The following GAS2L3 variants were observed in gnomAD, a reference collection of about 807,000 sequenced individuals.
GAS2L3 encodes growth arrest specific 2 like 3, also known as GAS2-like protein 3.
Under a neutral mutation model 37.0 loss-of-function variants are expected in GAS2L3, and 28 were observed. The observed-to-expected ratio is 0.76, with a 90% CI of 0.56 to 1.04. GAS2L3 has a LOEUF of 1.04. GAS2L3 is among the 50% of genes least tolerant of loss of function. GAS2L3 has a pLI of 0.00. For missense variants in GAS2L3, 793 were observed against 817.6 expected (o/e 0.97, Z 0.37); for synonymous variants, 290 against 296.6 (o/e 0.98, Z 0.23).
chr12:100,622,812 A>G (rs1956276296), intron 9 of GAS2L3, among the ~76,000 whole-genome samples: 1 of 150,030 alleles, frequency 6.7e-6, no homozygotes, highest in Admixed American at 6.6e-5. Context: ...GTTTATAATA[A>G]TACAAGCCTT....
In GAS2L3 at chr12:100,594,922, A is replaced by C. The variant is rs1465545167; in HGVS notation, c.18A>C (p.Gln6His). The stretch of plus-strand genomic sequence containing the variant: ...AGGTGACTATGCAGCCTGCAATTCA[A>C]GTAAGTTTTTTTCTTGGAAACAATA... MQPAI[Q>H]VWFGEDLPLS... is the part of the protein sequence containing the mutation. The change falls in exon 3 of 10, where the codon CAA becomes CAC. Residue 6 changes from glutamine to histidine, a missense_variant and splice_region_variant. Transcript: ENST00000547754. 7.4e-7 allele frequency: 1 copy of C among 1,350,898 alleles called. No homozygotes were observed. Among genetic ancestry groups the C allele is most frequent in the South Asian group, 1.5e-5 (1 of 68,308 alleles). 83.7% of individuals were successfully genotyped at this position (1,350,898 alleles called of 1,614,324 possible). A position where few individuals can be genotyped will look rare whatever the true frequency, so the allele number is the denominator to read the frequency against.
intron 1 of GAS2L3, among the ~76,000 whole-genome samples, chr12:100,588,203 C>A (rs1257211609): frequency 6.6e-6 from 1 of 152,074 alleles, no homozygotes; most frequent in Non-Finnish European, 1.5e-5. Flanking sequence ...TGGGGGAACC[C>A]ACCCCCAATA....
At chr12:100,583,782 C>T (rs1955744128) in intron 1 of GAS2L3, among the ~76,000 whole-genome samples, 2 of 152,168 alleles carry the variant, frequency 1.3e-5, no homozygotes, top group South Asian at 4.2e-4. Flanking sequence ...ATTTTTTTTC[C>T]TAGTAATTCC....
Position 100,626,754 on chromosome 12 carries a change from T to A in GAS2L3, c.*1864T>A, listed in dbSNP as rs1956336030. ...TATAAACACTAAGTTTTGTGTTAAA[T>A]GTGATCAGGAATAAAAGTATCCCAC... is the stretch of plus-strand genomic sequence containing the variant. On this transcript the variant is annotated 3_prime_UTR_variant, in exon 10 of 10. Transcript: ENST00000547754. 6.6e-6 allele frequency: 1 copy of A among 152,184 alleles called. No homozygotes were observed. Among genetic ancestry groups the A allele is most frequent in the Non-Finnish European group, 1.5e-5 (1 of 68,036 alleles). The allele number at this position is 152,184 out of a possible 1,614,324, so 9.4% of individuals were successfully genotyped here. A position where few individuals can be genotyped will look rare whatever the true frequency, so the allele number is the denominator to read the frequency against.
At chr12:100,590,488 A>T (rs1955832503) in intron 1 of GAS2L3, among the ~76,000 whole-genome samples, 1 of 152,202 alleles carries the variant, frequency 6.6e-6, no homozygotes, top group Non-Finnish European at 1.5e-5. Context: ...ACTAGTACAG[A>T]TGCTGTGGAA....
At position 100,617,769 on chromosome 12, in the gene GAS2L3, G is replaced by A; in HGVS notation, c.471G>A (p.Val157=). The change falls in exon 7 of 10, where the codon GTG becomes GTA. Residue 157 remains valine (V), a synonymous_variant. Transcript: ENST00000547754. ...GLVLHKDPRQ[V]YLCLLEIGRI... ...TTTTGCACAAAGATCCAAGACAGGT[G>A]TATCTTTGTCTTCTTGAAATTGGTC... The A allele has an allele frequency of 1.2e-6, 2 of 1,607,876 alleles. No homozygotes were observed. The highest frequency in any genetic ancestry group is 1.7e-4 in the Middle Eastern group (1 of 6,032).
intron 1 of GAS2L3, among the ~76,000 whole-genome samples, chr12:100,581,984 G>A (rs2136385100): frequency 6.6e-6 from 1 of 152,240 alleles, no homozygotes; most frequent in South Asian, 2.1e-4. Context: ...AAGTAAATTT[G>A]TTTTACATAA....
intron 5 of GAS2L3, among the ~76,000 whole-genome samples, chr12:100,606,047 T>C (rs1956052645): frequency 6.6e-6 from 1 of 152,048 alleles, no homozygotes; most frequent in Admixed American, 6.5e-5. Context: ...TCTTTTTTGA[T>C]TTTCTGTCTG....
In GAS2L3 at chr12:100,624,183, C is replaced by G. The variant is rs763305748; in HGVS notation, c.1378C>G (p.Leu460Val). Residue 460 changes from leucine to valine, a missense_variant, in exon 10 of 10, where the codon CTT (leucine) becomes GTT (valine). Leu to Val is a conservative substitution (Grantham distance 32). Coordinates refer to ENST00000547754, the MANE Select transcript of GAS2L3 (RefSeq NM_174942.3). ...TTCAGCAGATCTGCCCGAGTCCACACTTTTGCCAAATAAGTGTTCAGGAAA... is the reference window on the plus strand; with the variant it reads ...TTCAGCAGATCTGCCCGAGTCCACAGTTTTGCCAAATAAGTGTTCAGGAAA... ...QNSADLPEST[L>V]LPNKCSGKTQ... 6.2e-7 allele frequency: 1 copy of G among 1,613,968 alleles called. No homozygotes were observed. The highest frequency in any genetic ancestry group is 1.7e-5 in the Admixed American group (1 of 59,980).
chr12:100,618,452 C>A lies in GAS2L3; in HGVS notation c.513C>A (p.Tyr171Ter). The A allele has an allele frequency of 6.2e-7, 1 of 1,602,964 alleles. No individual in the cohort carries two copies. The highest frequency in any genetic ancestry group is 8.5e-7 in the Non-Finnish European group (1 of 1,175,512). The change falls in exon 8 of 10, where the codon TAC becomes TAA. Residue 171 changes from tyrosine to a stop codon, truncating the protein, a stop_gained. Coordinates refer to ENST00000547754, the MANE Select transcript of GAS2L3 (RefSeq NM_174942.3). LOFTEE classifies it high-confidence loss of function. ...LLEIGRIVSR[Y>*]GVEPPVLVKL... ...AGATCTCCTGGTTGGTTTTCAGATA[C>A]GGGGTTGAGCCACCAGTGTTAGTAA...
chr12:100,575,021 G>T (rs974755555), intron 1 of GAS2L3, among the ~76,000 whole-genome samples: 2 of 151,900 alleles, frequency 1.3e-5, no homozygotes, highest in South Asian at 2.1e-4. Flanking sequence ...AAGCAGGGGG[G>T]CTCTGAAATC....
chr12:100,622,779 A>AAAAAAAAAAAAAAG (rs1956274729), intron 9 of GAS2L3, among the ~76,000 whole-genome samples: 1 of 125,376 alleles, frequency 8.0e-6, no homozygotes, highest in East Asian at 2.1e-4. Context: ...AAAAAAAAAA[A>AAAAAAAAAAAAAAG]AAAGAAAAGA....
intron 1 of GAS2L3, among the ~76,000 whole-genome samples, chr12:100,588,820 C>G (rs1427655779): frequency 6.6e-6 from 1 of 152,136 alleles, no homozygotes; most frequent in Non-Finnish European, 1.5e-5. Context: ...AATATCTTTC[C>G]TACTTGCACA....
At chr12:100,590,930 G>A (rs150633379) in intron 1 of GAS2L3, among the ~76,000 whole-genome samples, 1 of 151,672 alleles carries the variant, frequency 6.6e-6, no homozygotes, top group African/African-American at 2.4e-5. Context: ...GGGACTTGGG[G>A]GGAAGAGTGG....
rs769648849 is a variant in GAS2L3, at chr12:100,624,900, CA to C, written c.*11del. The C allele has an allele frequency of 2.0e-6, 3 of 1,519,014 alleles. No individual in the cohort carries two copies. Among genetic ancestry groups the C allele is most frequent in the Non-Finnish European group, 8.9e-7 (1 of 1,118,668 alleles). 94.1% of individuals were successfully genotyped at this position (1,519,014 alleles called of 1,614,324 possible). A position where few individuals can be genotyped will look rare whatever the true frequency, so the allele number is the denominator to read the frequency against. On this transcript the variant is annotated 3_prime_UTR_variant, in exon 10 of 10. Coordinates refer to ENST00000547754, the MANE Select transcript of GAS2L3 (RefSeq NM_174942.3). ...GAAACCTAGAAAATAAATACATACT[CA>C]TTATAAAAAAAGAGAAAAGGAAGAA... is the stretch of plus-strand genomic sequence containing the variant.
In GAS2L3 at chr12:100,623,728, C is replaced by T; in HGVS notation, c.923C>T (p.Pro308Leu). The T allele has an allele frequency of 1.2e-6, 2 of 1,613,990 alleles. No homozygotes were observed. Among genetic ancestry groups the T allele is most frequent in the South Asian group, 1.1e-5 (1 of 91,072 alleles). Residue 308 changes from proline (P) to leucine (L), a missense_variant, in exon 10 of 10, where the codon CCT becomes CTT. Transcript: ENST00000547754. ...TCTAATGAAAGTGTACCTGATTCGC[C>T]TGCCAGAACACCTCAGCCTCCTGAA... is the stretch of plus-strand genomic sequence containing the variant. ...GVSNESVPDSPARTPQPPEMN... is the reference protein window; with the variant it reads ...GVSNESVPDSLARTPQPPEMN...
chr12:100,600,277 C>T (rs891046379), intron 3 of GAS2L3, 105 bp from the exon 4 acceptor site: 3 of 711,248 alleles, frequency 4.2e-6, no homozygotes, highest in African/African-American at 3.6e-5. Context: ...TTATATGTGT[C>T]TATTATGTAT....
At chr12:100,587,652 G>A (rs1023759227) in intron 1 of GAS2L3, among the ~76,000 whole-genome samples, 1 of 152,210 alleles carries the variant, frequency 6.6e-6, no homozygotes. Flanking sequence ...AAAGTTGAAA[G>A]CATTCCCTCT....
chr12:100,587,146 A>G (rs575290924), intron 1 of GAS2L3, among the ~76,000 whole-genome samples: 1 of 152,346 alleles, frequency 6.6e-6, no homozygotes, highest in African/African-American at 2.4e-5. Flanking sequence ...TCTACCAGAC[A>G]TTCAAAGAAG....
Sources: gnomAD v4.1 joint callset for allele counts (sites outside exome capture counted in the v4.1 genomes callset) on GRCh38, gnomAD v4.1.1 for gene constraint, MANE v1.5 for transcripts, NCBI Gene and HGNC (gene_info 2026-07-23, HGNC 2026-07-21) for gene names.